The following LRMDA variants were observed in gnomAD, a reference collection of about 807,000 sequenced individuals.
LRMDA encodes leucine rich melanocyte differentiation associated.
LRMDA carries 18 observed loss-of-function variants against 29.8 expected under a neutral mutation model. That is an observed-to-expected ratio of 0.60 (90% CI 0.42 to 0.90). The LOEUF is 0.90. Among genes scored for constraint, LRMDA ranks in the 40% least tolerant of loss-of-function variants. The pLI, the probability that LRMDA is intolerant of heterozygous loss-of-function variation, is 0.00. For synonymous variants in LRMDA, 125 were observed against 109.4 expected (o/e 1.14, Z -0.89); for missense variants, 273 against 273.9 (o/e 1.00, Z 0.02).
chr10:76,100,223 T>G (rs536604714), intron 5 of LRMDA, among the ~76,000 whole-genome samples: 2 of 152,290 alleles, frequency 1.3e-5, no homozygotes, highest in South Asian at 4.1e-4. Context: ...GCTCCTTAGT[T>G]CAGCTAAAAC....
intron 5 of LRMDA, among the ~76,000 whole-genome samples, chr10:76,298,435 A>T (rs1196643283): frequency 1.3e-5 from 2 of 152,076 alleles, no homozygotes; most frequent in Non-Finnish European, 2.9e-5. Context: ...TCCTTTACTT[A>T]CTCATTAACT....
chr10:75,502,208 C>G (rs1313348800), intron 2 of LRMDA, among the ~76,000 whole-genome samples: 1 of 152,200 alleles, frequency 6.6e-6, no homozygotes, highest in African/African-American at 2.4e-5. Flanking sequence ...ATTGGTAAGC[C>G]TGTTCCTGAA....
At chr10:75,988,729 A>G (rs1014896311) in intron 2 of LRMDA, among the ~76,000 whole-genome samples, 3 of 152,090 alleles carry the variant, frequency 2.0e-5, no homozygotes, top group East Asian at 3.9e-4. Context: ...CTGAAGGCCC[A>G]AGTGCTCCCA....
intron 2 of LRMDA, among the ~76,000 whole-genome samples, chr10:76,025,236 C>T (rs1053510458): frequency 1.3e-5 from 2 of 149,604 alleles, no homozygotes; most frequent in African/African-American, 5.0e-5. Flanking sequence ...GGGAGGATAG[C>T]CCAGAGAAGG....
intron 2 of LRMDA, among the ~76,000 whole-genome samples, chr10:75,780,322 G>A (rs1051981047): frequency 3.3e-5 from 5 of 152,204 alleles, no homozygotes; most frequent in African/African-American, 1.2e-4. Flanking sequence ...CAACTGTGAG[G>A]GAGAATGTCA....
chr10:75,583,486 T>C (rs1259790859), intron 2 of LRMDA, among the ~76,000 whole-genome samples: 5 of 152,152 alleles, frequency 3.3e-5, no homozygotes. Context: ...TCAACTCTCA[T>C]GAGAACTCAT....
intron 2 of LRMDA, among the ~76,000 whole-genome samples, chr10:75,861,251 G>A (rs1844924413): frequency 1.3e-5 from 2 of 152,248 alleles, no homozygotes; most frequent in South Asian, 2.1e-4. Flanking sequence ...TTATTACAGT[G>A]AAGCAGGGTC....
intron 2 of LRMDA, among the ~76,000 whole-genome samples, chr10:75,461,840 T>G (rs955760889): frequency 6.6e-6 from 1 of 152,220 alleles, no homozygotes; most frequent in African/African-American, 2.4e-5. Flanking sequence ...AGGCTCACTC[T>G]GGGTAGGTCT....
chr10:76,049,920 G>C (rs1848501621), intron 4 of LRMDA, among the ~76,000 whole-genome samples: 1 of 152,070 alleles, frequency 6.6e-6, no homozygotes, highest in Non-Finnish European at 1.5e-5. Flanking sequence ...AGAGTTTACT[G>C]TTTTTCACTT....
intron 5 of LRMDA, among the ~76,000 whole-genome samples, chr10:76,092,408 T>C (rs938009022): frequency 3.3e-5 from 5 of 152,198 alleles, no homozygotes; most frequent in Non-Finnish European, 5.9e-5. Context: ...CTGGATATAC[T>C]TATTTCTGAG....
At chr10:75,945,381 C>T (rs907144984) in intron 2 of LRMDA, among the ~76,000 whole-genome samples, 51 of 152,288 alleles carry the variant, frequency 3.3e-4, no homozygotes, top group South Asian at 6.2e-4. Flanking sequence ...CTTTGTTGTT[C>T]TCTTCTTTCT....
intron 5 of LRMDA, among the ~76,000 whole-genome samples, chr10:76,126,220 T>C (rs1849880492): frequency 6.6e-6 from 1 of 152,320 alleles, no homozygotes; most frequent in Middle Eastern, 3.4e-3. Flanking sequence ...GGAGCTGGCT[T>C]TTCCAGTTGC....
At chr10:75,675,715 TTTTTG>T (rs1007206690) in intron 2 of LRMDA, among the ~76,000 whole-genome samples, 27 of 152,192 alleles carry the variant, frequency 1.8e-4, no homozygotes, top group Non-Finnish European at 3.2e-4. Context: ...AACTTTTTTT[TTTTTG>T]TTTGTTTGAA....
At chr10:76,158,086 A>G (rs1850573808) in intron 5 of LRMDA, among the ~76,000 whole-genome samples, 1 of 152,166 alleles carries the variant, frequency 6.6e-6, no homozygotes, top group African/African-American at 2.4e-5. Flanking sequence ...TTGACTGTAT[A>G]TGGGACTGGT....
chr10:76,353,183 T>C (rs1231852061), intron 6 of LRMDA, among the ~76,000 whole-genome samples: 1 of 152,082 alleles, frequency 6.6e-6, no homozygotes, highest in African/African-American at 2.4e-5. Flanking sequence ...TGAAAGAGAT[T>C]AGAGAAACCT....
At chr10:75,854,394 A>G (rs1844786180) in intron 2 of LRMDA, among the ~76,000 whole-genome samples, 1 of 152,000 alleles carries the variant, frequency 6.6e-6, no homozygotes, top group Non-Finnish European at 1.5e-5. Flanking sequence ...TATGATTATT[A>G]ATATTGGCCA....
At chr10:75,740,708 T>C (rs984792018) in intron 2 of LRMDA, among the ~76,000 whole-genome samples, 2 of 152,154 alleles carry the variant, frequency 1.3e-5, no homozygotes, top group Admixed American at 6.5e-5. Context: ...TCCCAACATC[T>C]GTTGATCAGC....
In LRMDA at chr10:76,227,708, C is replaced by T. The variant is rs1375941980; in HGVS notation, c.517-96693C>T. Among the ~76,000 whole-genome samples the T allele has an allele frequency of 2.6e-5, 4 of 152,156 alleles. No individual in the cohort carries two copies. The East Asian group carries it at 7.7e-4, about 29-fold the overall frequency. On this transcript the variant is annotated intron_variant, in intron 5 of 6. Coordinates refer to ENST00000611255, the MANE Select transcript of LRMDA (RefSeq NM_001305581.2). Reference sequence around the variant, plus strand: ...AGAATCACAGGGCATATCCTATAGTCTCTCATAGTATGTCCTATTACTGGC... The same window carrying T: ...AGAATCACAGGGCATATCCTATAGTTTCTCATAGTATGTCCTATTACTGGC...
chr10:75,673,691 A>G (rs905745920), intron 2 of LRMDA, among the ~76,000 whole-genome samples: 1 of 152,240 alleles, frequency 6.6e-6, no homozygotes, highest in African/African-American at 2.4e-5. Context: ...AATTGGGTGT[A>G]GAATATTTTT....
Sources: gnomAD v4.1 joint callset for allele counts (sites outside exome capture counted in the v4.1 genomes callset) on GRCh38, gnomAD v4.1.1 for gene constraint, MANE v1.5 for transcripts, NCBI Gene and HGNC (gene_info 2026-07-23, HGNC 2026-07-21) for gene names.